The following CKAP5 variants were observed in gnomAD, a reference collection of about 807,000 sequenced individuals.
CKAP5 encodes the protein cytoskeleton-associated protein 5.
CKAP5 carries 27 observed loss-of-function variants against 232.8 expected under a neutral mutation model. The observed-to-expected ratio is 0.12, with a 90% CI of 0.09 to 0.16. The LOEUF (loss-of-function observed/expected upper bound fraction) is 0.16, where lower values mean the gene tolerates loss of function less well. CKAP5 is among the 10% of genes least tolerant of loss of function. The pLI is 1.00. For synonymous variants in CKAP5, 785 were observed against 841.1 expected (o/e 0.93, Z 1.16); for missense variants, 1,838 against 2,424.7 (o/e 0.76, Z 5.08).
intron 42 of CKAP5, among the ~76,000 whole-genome samples, chr11:46,749,275 A>C (rs12290855): frequency 1 from 151,322 of 151,360 alleles, 75,642 homozygotes; most frequent in Middle Eastern, 1. Flanking sequence ...GCCAACATGG[A>C]GAAACCCCAT....
At chr11:46,833,857 T>C (rs573553152) in intron 1 of CKAP5, among the ~76,000 whole-genome samples, 44 of 151,966 alleles carry the variant, frequency 2.9e-4, no homozygotes, top group African/African-American at 1.1e-3. Flanking sequence ...ATATTATTAT[T>C]ATATTATTAT....
intron 1 of CKAP5, among the ~76,000 whole-genome samples, chr11:46,829,435 C>T (rs1186990220): frequency 6.6e-6 from 1 of 152,160 alleles, no homozygotes; most frequent in African/African-American, 2.4e-5. Context: ...GTCCCAGCTA[C>T]TCGGGAGGCT....
rs372892203 is a variant in CKAP5, at chr11:46,774,059, T to C, written c.2991+2196A>G. On this transcript the variant is annotated intron_variant, in intron 24 of 43. Transcript: ENST00000529230. ...AGAGAAAGAAATAAGGGTATTGAAA[T>C]AGGAAGAGAGGAAGTCAAATTATCT... is the stretch of plus-strand genomic sequence containing the variant. Among the ~76,000 whole-genome samples the C allele has an allele frequency of 3.3e-5, 5 of 152,108 alleles. No homozygotes were observed. The East Asian group carries it at 5.8e-4, about 18-fold the overall frequency.
chr11:46,758,193 C>A (rs1464539445), intron 35 of CKAP5, among the ~76,000 whole-genome samples: 1 of 152,130 alleles, frequency 6.6e-6, no homozygotes, highest in Non-Finnish European at 1.5e-5. Context: ...TCATTGTCCC[C>A]CTTTAACACT....
rs758813554 is a variant in CKAP5, at chr11:46,801,236, A to C, written c.1047T>G (p.Val349=). The C allele has an allele frequency of 2.9e-5, 47 of 1,613,836 alleles. 1 individual carries two copies. In the South Asian group the frequency reaches 5.1e-4, roughly 17 times the overall value. ...LAAKCLTGLA[V]GLRKKFGQYA... ...ATTGTCCAAATTTCTTCCTTAGCCC[A>C]ACAGCCAGGCCAGTAAGACATTTTG... The change falls in exon 9 of 44, where the codon GTT becomes GTG. Residue 349 remains valine (V), a synonymous_variant. Transcript: ENST00000529230.
intron 24 of CKAP5, among the ~76,000 whole-genome samples, chr11:46,773,701 C>T (rs1565728353): frequency 6.6e-6 from 1 of 151,944 alleles, no homozygotes; most frequent in African/African-American, 2.4e-5. Flanking sequence ...CACCACCACA[C>T]CCAGCTAATT....
chr11:46,760,710 T>C lies in CKAP5; in HGVS notation c.4296A>G (p.Ile1432Met), dbSNP rs1386169304. The C allele has an allele frequency of 6.2e-7, 1 of 1,614,256 alleles. No individual in the cohort carries two copies. Among genetic ancestry groups the C allele is most frequent in the African/African-American group, 1.3e-5 (1 of 75,068 alleles). The change falls in exon 33 of 44, where the codon ATA becomes ATG. Residue 1432 changes from isoleucine to methionine, a missense_variant. Ile to Met is a conservative substitution (Grantham distance 10). Around this residue, in one of 6 missense-constraint regions of CKAP5, gnomAD observed 579 missense variants for 843.2 expected, o/e 0.69. Coordinates refer to ENST00000529230, the MANE Select transcript of CKAP5 (RefSeq NM_001008938.4). ...GCTGAGGTTTCTCTTCCACCTGTTT[T>C]ATTGGTGCAGCAGAGGGTCTCTTTG... ...RSAKRPSAAP[I>M]KQVEEKPQRA... is the part of the protein sequence containing the mutation.
chr11:46,823,501 T>C (rs1261474648), intron 1 of CKAP5, among the ~76,000 whole-genome samples: 1 of 152,230 alleles, frequency 6.6e-6, no homozygotes, highest in East Asian at 1.9e-4. Flanking sequence ...GATTTGAGAA[T>C]ATGATGTTTA....
chr11:46,834,290 G>A (rs887962467), intron 1 of CKAP5, among the ~76,000 whole-genome samples: 4 of 152,060 alleles, frequency 2.6e-5, no homozygotes, highest in South Asian at 4.1e-4. Flanking sequence ...AGGCCAAGAC[G>A]GGCAGATCAC....
intron 2 of CKAP5, chr11:46,820,632 A>G (rs922025464): frequency 2.6e-5 from 4 of 152,170 alleles, no homozygotes; most frequent in African/African-American, 9.6e-5. Context: ...AAGAAACTAG[A>G]GGTATAGTTG....
chr11:46,758,857 A>G lies in CKAP5; in HGVS notation c.4689+66T>C, dbSNP rs1380054542. 2.2e-5 allele frequency: 34 copies of G among 1,569,526 alleles called. No homozygotes were observed. The East Asian group carries it at 6.7e-4, about 31-fold the overall frequency. On this transcript the variant is annotated intron_variant, in intron 35 of 43. Coordinates refer to ENST00000529230, the MANE Select transcript of CKAP5 (RefSeq NM_001008938.4). ...TAATGCTATGACTCTGCGAGTGTGCAATTCATCACATTTATAGCCTCTATG... is the reference window on the plus strand; with the variant it reads ...TAATGCTATGACTCTGCGAGTGTGCGATTCATCACATTTATAGCCTCTATG...
chr11:46,805,543 AC>A (rs1051589518), intron 8 of CKAP5, among the ~76,000 whole-genome samples: 37 of 152,096 alleles, frequency 2.4e-4, no homozygotes, highest in African/African-American at 8.4e-4. Context: ...CCATTTCCCC[AC>A]TTTTTTCCAT....
At chr11:46,844,545 T>A (rs1340817478) in intron 1 of CKAP5, among the ~76,000 whole-genome samples, 1 of 152,224 alleles carries the variant, frequency 6.6e-6, no homozygotes, top group Non-Finnish European at 1.5e-5. Flanking sequence ...TCAAAACTGA[T>A]CAAGACTTTA....
chr11:46,835,445 A>G (rs1939892286), intron 1 of CKAP5, among the ~76,000 whole-genome samples: 1 of 152,046 alleles, frequency 6.6e-6, no homozygotes, highest in Non-Finnish European at 1.5e-5. Flanking sequence ...AGCCTGGAGC[A>G]TATTAAAGTA....
At chr11:46,834,365 A>G (rs1159687702) in intron 1 of CKAP5, among the ~76,000 whole-genome samples, 1 of 151,844 alleles carries the variant, frequency 6.6e-6, no homozygotes, top group Non-Finnish European at 1.5e-5. Flanking sequence ...CTAAAAATAC[A>G]AAAATTAGCC....
chr11:46,800,058 T>C (rs184634362), intron 9 of CKAP5, among the ~76,000 whole-genome samples: 77 of 151,546 alleles, frequency 5.1e-4, no homozygotes, highest in African/African-American at 1.6e-3. Flanking sequence ...TAGGAAAAAA[T>C]TGTTTTTTAT....
chr11:46,744,434 T>C lies in CKAP5; in HGVS notation c.5848A>G (p.Asn1950Asp). The C allele has an allele frequency of 6.2e-7, 1 of 1,614,116 alleles. No individual in the cohort carries two copies. The highest frequency in any genetic ancestry group is 8.5e-7 in the Non-Finnish European group (1 of 1,180,008). The part of the protein sequence containing the change: ...KILRQRCGLD[N>D]TKQDDRPPLT... ...AAGAAAAGGAGCAGTACCTTTGTGT[T>C]GTCCAGACCACATCGCTGTCGGAGG... is the stretch of plus-strand genomic sequence containing the variant. Residue 1950 changes from asparagine (N) to aspartate (D), a missense_variant, in exon 43 of 44, where the codon AAC (asparagine) becomes GAC (aspartate). Physicochemically the swap from Asn to Asp is conservative, Grantham distance 23. This residue lies in a region of CKAP5 where 579 missense variants were observed against 843.2 expected (regional missense o/e 0.69). Coordinates refer to ENST00000529230, the MANE Select transcript of CKAP5 (RefSeq NM_001008938.4).
chr11:46,794,995 A>G (rs1019879376), intron 13 of CKAP5, among the ~76,000 whole-genome samples: 11 of 152,182 alleles, frequency 7.2e-5, no homozygotes, highest in African/African-American at 2.4e-4. Flanking sequence ...ATGCTGCACA[A>G]CATTATAAAC....
chr11:46,806,891 C>CTTT (rs1245196328), intron 8 of CKAP5, among the ~76,000 whole-genome samples: 5 of 152,178 alleles, frequency 3.3e-5, no homozygotes, highest in Admixed American at 6.5e-5. Context: ...CTTGCTTTAG[C>CTTT]TTTTACACTA....
Sources: gnomAD v4.1 joint callset for allele counts (sites outside exome capture counted in the v4.1 genomes callset) on GRCh38, gnomAD v4.1.1 for gene constraint, gnomAD v4.1.1 regional missense constraint, MANE v1.5 for transcripts, NCBI Gene and HGNC (gene_info 2026-07-23, HGNC 2026-07-21) for gene names.